Variants in P2RX5 observed in about 807,000 individuals in gnomAD.
P2RX5 encodes the protein purinergic receptor P2X 5.
A neutral mutation model predicts 54.1 loss-of-function variants in P2RX5; 46 were observed. The ratio of observed to expected loss-of-function variants is 0.85; its 90% CI spans 0.67 to 1.09. The LOEUF (loss-of-function observed/expected upper bound fraction) is 1.09. P2RX5 is among the 50% of genes least tolerant of loss of function. The pLI is 0.00. For synonymous variants in P2RX5, 226 were observed against 226.4 expected (o/e 1.00, Z 0.02); for missense variants, 566 against 549.8 (o/e 1.03, Z -0.29).
At chr17:3,681,744 T>G (rs2050288588) in intron 10 of P2RX5, 152 bp downstream of exon 10, 2 of 689,144 alleles carry the variant, frequency 2.9e-6, no homozygotes, top group South Asian at 3.0e-5. Flanking sequence ...TCCGGTTCTG[T>G]AGAGCATGTA....
At chr17:3,696,559 A>C (rs1392022812), upstream of P2RX5, among the ~76,000 whole-genome samples, 2 of 151,986 alleles carry the variant, frequency 1.3e-5, no homozygotes, top group Admixed American at 1.3e-4. Context: ...GGTTCAAGCG[A>C]TTCTCCTGCC....
At chr17:3,707,426 G>A in the P2RX5 span, among the ~76,000 whole-genome samples, 6 of 152,064 alleles carry the variant, frequency 3.9e-5, no homozygotes, top group African/African-American at 1.4e-4. Flanking sequence ...AAAGACCCCA[G>A]GCCTGGGTAT....
chr17:3,677,750 G>A (rs1168637532), intron 11 of P2RX5: 28 of 985,224 alleles, frequency 2.8e-5, no homozygotes, highest in Non-Finnish European at 3.4e-5. Context: ...GTCAATACAT[G>A]TTTACAGCTC....
In P2RX5 at chr17:3,680,944, T is replaced by TGCGTCCTCCACCCA. The variant is rs1433756007; in HGVS notation, c.1064+938_1064+951dup. ...ATCCTCCACCCTGCATCCTCCACCC[T>TGCGTCCTCCACCCA]GCGTCCTCCACCCAGCGTCCTCCAC... On this transcript the variant is annotated intron_variant, in intron 10 of 11. Transcript: ENST00000225328. Among the ~76,000 whole-genome samples the TGCGTCCTCCACCCA allele has an allele frequency of 6.9e-4, 92 of 132,518 alleles. 1 individual carries two copies. The highest frequency in any genetic ancestry group is 2.7e-3 in the African/African-American group (87 of 32,010). 86.9% of individuals were successfully genotyped at this position (132,518 alleles called of 152,430 possible). A position where few individuals can be genotyped will look rare whatever the true frequency, so the allele number is the denominator to read the frequency against.
intron 6 of P2RX5, 86 bp downstream of exon 6, chr17:3,689,984 C>A (rs2143000644): frequency 8.4e-7 from 1 of 1,187,508 alleles, no homozygotes; most frequent in Non-Finnish European, 1.3e-6. Flanking sequence ...GCACACACAC[C>A]CCCAGGCAGA....
Position 3,690,246 on chromosome 17 carries a change from T to C in P2RX5, c.534-96A>G, listed in dbSNP as rs1597267807. ...TGTGAGGCCTGTTCCTTGGGTCCCC[T>C]GGAGCCTCTGCCCAGGACAGTTAAT... On this transcript the variant is annotated intron_variant, in intron 5 of 11. Coordinates refer to ENST00000225328, the MANE Select transcript of P2RX5 (RefSeq NM_002561.4). The C allele has an allele frequency of 3.1e-6, 4 of 1,282,428 alleles. No individual in the cohort carries two copies. In the South Asian group the frequency reaches 4.7e-5, roughly 15 times the overall value. 79.4% of individuals were successfully genotyped at this position (1,282,428 alleles called of 1,614,324 possible).
chr17:3,688,201 C>T (rs1347501409), intron 8 of P2RX5, 96 bp from the exon 9 acceptor site: 10 of 739,612 alleles, frequency 1.4e-5, no homozygotes, highest in African/African-American at 1.7e-5. Flanking sequence ...AGAAGGACTC[C>T]CGGAACCCTG....
At chr17:3,705,574 T>C in the P2RX5 span, among the ~76,000 whole-genome samples, 1 of 152,108 alleles carries the variant, frequency 6.6e-6, no homozygotes. Flanking sequence ...ATTCATTGCT[T>C]TCTCCCTCGC....
At chr17:3,675,128 C>G (rs745717672) in intron 11 of P2RX5, among the ~76,000 whole-genome samples, 19 of 152,196 alleles carry the variant, frequency 1.2e-4, no homozygotes, top group Non-Finnish European at 2.6e-4. Flanking sequence ...CAACCTCCGT[C>G]TCCCGGGTTC....
At chr17:3,720,209 G>A in the P2RX5 span, 10 of 656,172 alleles carry the variant, frequency 1.5e-5, no homozygotes, top group Non-Finnish European at 2.8e-5. Context: ...AAGTGTTAAG[G>A]CTGAAAACAG....
chr17:3,699,969 A>AGAAAGAAG (rs2050807663), upstream of P2RX5, among the ~76,000 whole-genome samples: 1 of 139,082 alleles, frequency 7.2e-6, no homozygotes, highest in African/African-American at 2.5e-5. Context: ...AAAGAAAGAA[A>AGAAAGAAG]GAAAGAAAAT....
the P2RX5 span, chr17:3,714,881 A>C: frequency 6.2e-7 from 1 of 1,611,288 alleles, no homozygotes; most frequent in Non-Finnish European, 8.5e-7. Context: ...CTCTGATTTC[A>C]GCTGGGCCTT....
At chr17:3,699,095 C>CACACACATACA (rs60173844), upstream of P2RX5, among the ~76,000 whole-genome samples, 6 of 100,190 alleles carry the variant, frequency 6.0e-5, no homozygotes, top group Admixed American at 6.0e-4. Flanking sequence ...ACACACACAC[C>CACACACATACA]TATATATATA....
At chr17:3,712,296 G>A in the P2RX5 span, among the ~76,000 whole-genome samples, 1 of 152,204 alleles carries the variant, frequency 6.6e-6, no homozygotes, top group Non-Finnish European at 1.5e-5. Context: ...TGAAGATGAT[G>A]GAATCAGATC....
At position 3,679,795 on chromosome 17, in the gene P2RX5, T is replaced by C; in HGVS notation, c.1065-11A>G. The C allele has an allele frequency of 8.7e-6, 14 of 1,607,176 alleles. No individual in the cohort carries two copies. Among genetic ancestry groups the C allele is most frequent in the Non-Finnish European group, 1.2e-5 (14 of 1,179,376 alleles). On this transcript the variant is annotated splice_polypyrimidine_tract_variant and intron_variant, in intron 10 of 11. Coordinates refer to ENST00000225328, the MANE Select transcript of P2RX5 (RefSeq NM_002561.4). The stretch of plus-strand genomic sequence containing the variant: ...CTGTCTTCTAGGCCCCTGGACAAGA[T>C]ACAAGCTGTTCACCTGGGACGGCCC...
chr17:3,722,036 G>A, the P2RX5 span, among the ~76,000 whole-genome samples: 18 of 151,692 alleles, frequency 1.2e-4, no homozygotes, highest in African/African-American at 1.7e-4. Context: ...AAAATTAGCC[G>A]GGTATGGTGG....
chr17:3,718,284 A>C, the P2RX5 span: 1 of 152,280 alleles, frequency 6.6e-6, no homozygotes, highest in African/African-American at 2.4e-5. Context: ...TCATCCCTGA[A>C]AAGGGAAGGC....
At chr17:3,722,922 G>A in the P2RX5 span, among the ~76,000 whole-genome samples, 1 of 152,210 alleles carries the variant, frequency 6.6e-6, no homozygotes, top group African/African-American at 2.4e-5. Flanking sequence ...AAGGCAGGCC[G>A]AAGGTTATTG....
At chr17:3,691,986 G>T in intron 1 of P2RX5, 192 bp from the exon 2 acceptor site, 1 of 622,120 alleles carries the variant, frequency 1.6e-6, no homozygotes, top group South Asian at 1.8e-5. Context: ...AGTCCTGCAA[G>T]CAGCAGAGGC....
Sources: allele counts gnomAD v4.1 joint callset (sites outside exome capture counted in the v4.1 genomes callset), GRCh38; gene constraint gnomAD v4.1.1; transcripts MANE v1.5; gene names NCBI Gene and HGNC (gene_info 2026-07-23, HGNC 2026-07-21).